BBS9: variants seen among roughly 807,000 people sequenced by gnomAD.
BBS9 encodes the protein Bardet-Biedl syndrome 9.
A neutral mutation model predicts 117.7 loss-of-function variants in BBS9; 89 were observed. That is an observed-to-expected ratio of 0.76 (90% CI 0.64 to 0.90). BBS9 has a LOEUF of 0.90. Ranked by LOEUF, BBS9 falls within the 40% of genes least tolerant of loss-of-function variation. The probability of loss-of-function intolerance (pLI) is 0.00; values close to 1 mark genes in which losing one functional copy is unlikely to be tolerated. For missense variants in BBS9, 982 were observed against 1,042.2 expected (o/e 0.94, Z 0.80); for synonymous variants, 379 against 370.9 (o/e 1.02, Z -0.25).
chr7:33,473,842 C>T (rs1187482045), intron 19 of BBS9, among the ~76,000 whole-genome samples: 1 of 152,168 alleles, frequency 6.6e-6, no homozygotes, highest in East Asian at 1.9e-4. Flanking sequence ...CCCCACCAGA[C>T]ATAAGCTGCT....
intron 5 of BBS9, among the ~76,000 whole-genome samples, chr7:33,191,487 TC>T (rs1262367708): frequency 6.6e-6 from 1 of 152,190 alleles, no homozygotes; most frequent in Non-Finnish European, 1.5e-5. Flanking sequence ...TCACTTTCTC[TC>T]CTAGGACCTC....
At chr7:33,329,233 C>G (rs919776062) in intron 9 of BBS9, among the ~76,000 whole-genome samples, 5 of 152,052 alleles carry the variant, frequency 3.3e-5, no homozygotes, top group Admixed American at 6.5e-5. Flanking sequence ...GTTGGGCAGA[C>G]TGGTCTCGAA....
intron 19 of BBS9, among the ~76,000 whole-genome samples, chr7:33,443,187 A>C (rs1386751656): frequency 1.3e-5 from 2 of 152,256 alleles, no homozygotes; most frequent in South Asian, 2.1e-4. Context: ...TTTTAAGCCA[A>C]ATATCTTAAA....
chr7:33,200,358 C>A (rs1344086446), intron 5 of BBS9, among the ~76,000 whole-genome samples: 2 of 152,116 alleles, frequency 1.3e-5, no homozygotes, highest in Admixed American at 1.3e-4. Flanking sequence ...TTTATTCTTA[C>A]ATTGTCCAAG....
At chr7:33,264,463 T>G in intron 7 of BBS9, 89 bp downstream of exon 7, 1 of 784,268 alleles carries the variant, frequency 1.3e-6, no homozygotes, top group Non-Finnish European at 2.0e-6. Flanking sequence ...GAAGAAAATG[T>G]AAAAAAATAT....
chr7:33,238,115 C>A (rs952330078), intron 5 of BBS9, among the ~76,000 whole-genome samples: 2 of 152,162 alleles, frequency 1.3e-5, no homozygotes, highest in Non-Finnish European at 2.9e-5. Context: ...ATATTTAGGT[C>A]ACCATTTTTG....
intron 21 of BBS9, among the ~76,000 whole-genome samples, chr7:33,629,571 CT>C (rs1293898779): frequency 2.5e-4 from 38 of 152,212 alleles, no homozygotes; most frequent in African/African-American, 8.4e-4. Flanking sequence ...CCTTTGTGTG[CT>C]GACTAAACTG....
chr7:33,507,119 G>A (rs1846249761), intron 20 of BBS9, among the ~76,000 whole-genome samples: 1 of 152,220 alleles, frequency 6.6e-6, no homozygotes, highest in Non-Finnish European at 1.5e-5. Context: ...GGGATTAAAT[G>A]AGATAATTAC....
At chr7:33,498,210 A>G (rs1375497948) in intron 19 of BBS9, among the ~76,000 whole-genome samples, 1 of 152,172 alleles carries the variant, frequency 6.6e-6, no homozygotes, top group Non-Finnish European at 1.5e-5. Context: ...ATTAAGCCCT[A>G]GTTTCAATAT....
intron 19 of BBS9, among the ~76,000 whole-genome samples, chr7:33,474,921 G>T (rs1277687255): frequency 6.6e-6 from 1 of 152,180 alleles, no homozygotes; most frequent in Non-Finnish European, 1.5e-5. Flanking sequence ...CTCCAGCCTG[G>T]TGACAGTGAG....
intron 21 of BBS9, 63 bp downstream of exon 21, chr7:33,534,239 C>T: frequency 1.3e-6 from 2 of 1,518,790 alleles, no homozygotes; most frequent in South Asian, 2.3e-5. Flanking sequence ...AGGAATGTGC[C>T]TGTGGTTGTA....
chr7:33,331,290 A>G (rs913536866), intron 9 of BBS9, among the ~76,000 whole-genome samples: 2 of 152,346 alleles, frequency 1.3e-5, no homozygotes, highest in Middle Eastern at 3.4e-3. Flanking sequence ...AAAGCCGTAT[A>G]TGACAAACCC....
intron 19 of BBS9, among the ~76,000 whole-genome samples, chr7:33,403,854 T>C (rs1363582717): frequency 6.6e-6 from 1 of 152,152 alleles, no homozygotes; most frequent in Non-Finnish European, 1.5e-5. Context: ...CTGGGTCAAA[T>C]GGTATTTCTA....
At chr7:33,250,969 T>C (rs1257228427) in intron 5 of BBS9, among the ~76,000 whole-genome samples, 1 of 152,148 alleles carries the variant, frequency 6.6e-6, no homozygotes, top group Non-Finnish European at 1.5e-5. Flanking sequence ...AGGGGCTCTG[T>C]GGGATCTCAG....
At chr7:33,596,642 A>G (rs1219770674) in intron 21 of BBS9, among the ~76,000 whole-genome samples, 1 of 152,120 alleles carries the variant, frequency 6.6e-6, no homozygotes, top group African/African-American at 2.4e-5. Flanking sequence ...CTTCCTCGCT[A>G]TACCTCCTAT....
At chr7:33,253,866 C>T (rs953292784) in intron 5 of BBS9, among the ~76,000 whole-genome samples, 5 of 152,050 alleles carry the variant, frequency 3.3e-5, no homozygotes, top group South Asian at 2.1e-4. Context: ...TAATATGATG[C>T]GTCTGTAAAT....
In BBS9 at chr7:33,517,616, A is replaced by T. The variant is rs2129036469; in HGVS notation, c.2298+11971A>T. Among the ~76,000 whole-genome samples, 3 of 152,170 alleles carry T rather than the reference A, an allele frequency of 2.0e-5. No individual in the cohort carries two copies. In the South Asian group the frequency reaches 6.2e-4, roughly 32 times the overall value. ...TTTTCATCACGTTTTGCCACTCCCC[A>T]TTGGCACTTCTTGGCTCTGCTCTCA... On this transcript the variant is annotated intron_variant, in intron 20 of 22. Transcript: ENST00000242067.
intron 5 of BBS9, among the ~76,000 whole-genome samples, chr7:33,247,982 T>C (rs574406564): frequency 2.0e-5 from 3 of 152,332 alleles, no homozygotes; most frequent in South Asian, 2.1e-4. Context: ...GGGGAAAAGA[T>C]TGTGATAAAT....
At chr7:33,282,260 C>G (rs1420150) in intron 9 of BBS9, among the ~76,000 whole-genome samples, 27,348 of 152,156 alleles carry the variant, frequency 0.18, 2,999 homozygotes, top group East Asian at 0.44. Context: ...TGAGTCTTAT[C>G]AAATAGAATG....
Sources: gnomAD v4.1 joint callset for allele counts (sites outside exome capture counted in the v4.1 genomes callset) on GRCh38, gnomAD v4.1.1 for gene constraint, MANE v1.5 for transcripts, NCBI Gene and HGNC (gene_info 2026-07-23, HGNC 2026-07-21) for gene names.